The following ALDH3A2 variants were observed in gnomAD, a reference collection of about 807,000 sequenced individuals.
ALDH3A2 encodes the protein aldehyde dehydrogenase 3 family member A2.
ALDH3A2 carries 36 observed loss-of-function variants against 51.3 expected under a neutral mutation model. The observed-to-expected ratio is 0.70, with a 90% CI of 0.54 to 0.93. ALDH3A2 has a LOEUF of 0.93. Ranked by LOEUF, ALDH3A2 falls within the 40% of genes least tolerant of loss-of-function variation. The probability of loss-of-function intolerance (pLI) is 0.00; values close to 1 mark genes in which losing one functional copy is unlikely to be tolerated. For missense variants in ALDH3A2, 552 were observed against 603.1 expected (o/e 0.92, Z 0.89); for synonymous variants, 199 against 219.8 (o/e 0.91, Z 0.84).
chr17:19,669,713 C>T (rs1164569976), intron 8 of ALDH3A2, among the ~76,000 whole-genome samples: 1 of 152,110 alleles, frequency 6.6e-6, no homozygotes, highest in East Asian at 1.9e-4. Flanking sequence ...CGGCTCATTG[C>T]AGCCTCAACC....
At chr17:19,651,404 C>T in intron 1 of ALDH3A2, 143 bp from the exon 2 acceptor site, 1 of 723,852 alleles carries the variant, frequency 1.4e-6, no homozygotes, top group Admixed American at 2.0e-5. Context: ...GTGAAGGGTG[C>T]AAAAGGAGTC....
intron 5 of ALDH3A2, among the ~76,000 whole-genome samples, chr17:19,658,230 A>C (rs78025218): frequency 0.01 from 1,524 of 152,324 alleles, 15 homozygotes; most frequent in Non-Finnish European, 0.016. Context: ...GAAGGTTATC[A>C]GTTTTTGTGT....
At chr17:19,673,126 T>C (rs747625076) in intron 9 of ALDH3A2, 2 of 1,614,102 alleles carry the variant, frequency 1.2e-6, no homozygotes, top group African/African-American at 1.3e-5. Context: ...ACCAGTTGCA[T>C]TTGAAATCAT....
intron 8 of ALDH3A2, among the ~76,000 whole-genome samples, chr17:19,670,963 C>T (rs2152332959): frequency 6.6e-6 from 1 of 152,326 alleles, no homozygotes; most frequent in South Asian, 2.1e-4. Context: ...TTCCTTCCTG[C>T]AGCCTGGCCT....
chr17:19,667,159 C>T (rs1464073905), intron 8 of ALDH3A2, among the ~76,000 whole-genome samples: 1 of 152,128 alleles, frequency 6.6e-6, no homozygotes, highest in East Asian at 1.9e-4. Flanking sequence ...ATATTCTATT[C>T]AAAAAGGTAT....
Position 19,666,778 on chromosome 17 carries a change from A to AAAATAAAT in ALDH3A2, c.1207+1763_1207+1770dup, listed in dbSNP as rs150864433. 2.5e-3 allele frequency among the ~76,000 whole-genome samples: 357 copies of AAAATAAAT among 143,902 alleles called. 1 individual carries two copies. The highest frequency in any genetic ancestry group is 7.4e-3 in the African/African-American group (291 of 39,214). 94.4% of individuals were successfully genotyped at this position (143,902 alleles called of 152,430 possible). A position where few individuals can be genotyped will look rare whatever the true frequency, so the allele number is the denominator to read the frequency against. ...GCAAACAGAGCGAGACTCCGATCTC[A>AAAATAAAT]AAATAAATAAATAAATAAATAAATA... On this transcript the variant is annotated intron_variant, in intron 8 of 9. Coordinates refer to ENST00000176643, the MANE Select transcript of ALDH3A2 (RefSeq NM_000382.3).
At chr17:19,663,595 A>G (rs2084997628) in intron 7 of ALDH3A2, 96 bp downstream of exon 7, 4 of 1,413,778 alleles carry the variant, frequency 2.8e-6, no homozygotes, top group Middle Eastern at 2.0e-4. Context: ...ATGTGAAACA[A>G]TGATGGTTTC....
intron 9 of ALDH3A2, chr17:19,672,254 TAA>T: frequency 2.2e-6 from 1 of 459,284 alleles, no homozygotes. Context: ...ATCTCTGGTC[TAA>T]GAGATTAAAA....
At chr17:19,666,310 C>T (rs2085037164) in intron 8 of ALDH3A2, among the ~76,000 whole-genome samples, 1 of 152,108 alleles carries the variant, frequency 6.6e-6, no homozygotes, top group Non-Finnish European at 1.5e-5. Flanking sequence ...CTCTGTTCCT[C>T]AGCTCACCAC....
In ALDH3A2 at chr17:19,651,604, A is replaced by G. The variant is rs1567596936; in HGVS notation, c.211A>G (p.Met71Val). ...VITVLGEIDF[M>V]LENLPEWVTA... ...TACTGTCCTTGGGGAAATTGATTTT[A>G]TGCTTGAGAATCTTCCTGAATGGGT... The change falls in exon 2 of 10, where the codon ATG (methionine) becomes GTG (valine). Residue 71 changes from methionine (M) to valine (V), a missense_variant. Met to Val is a conservative substitution (Grantham distance 21, BLOSUM62 1). Transcript: ENST00000176643. 6.2e-7 allele frequency: 1 copy of G among 1,614,240 alleles called. No homozygotes were observed. The highest frequency in any genetic ancestry group is 8.5e-7 in the Non-Finnish European group (1 of 1,180,040).
chr17:19,660,304 A>C (rs2084949958), intron 5 of ALDH3A2, among the ~76,000 whole-genome samples: 1 of 152,056 alleles, frequency 6.6e-6, no homozygotes, highest in African/African-American at 2.4e-5. Context: ...CAGCATTGAA[A>C]ACTACTGTTG....
chr17:19,652,698 T>C, intron 3 of ALDH3A2, 66 bp downstream of exon 3: 1 of 1,337,062 alleles, frequency 7.5e-7, no homozygotes, highest in Non-Finnish European at 1.1e-6. Context: ...TTTATTTTCT[T>C]GCTATTGCAT....
intron 3 of ALDH3A2, among the ~76,000 whole-genome samples, chr17:19,653,692 C>T (rs991632610): frequency 6.6e-6 from 1 of 152,144 alleles, no homozygotes; most frequent in Non-Finnish European, 1.5e-5. Flanking sequence ...AACGGCAGTG[C>T]GGACCCAGAG....
At chr17:19,658,525 G>A (rs2084926629) in intron 5 of ALDH3A2, among the ~76,000 whole-genome samples, 1 of 151,996 alleles carries the variant, frequency 6.6e-6, no homozygotes, top group South Asian at 2.1e-4. Context: ...AGAAGTTCAA[G>A]ACCAGCCTGG....
intron 1 of ALDH3A2, among the ~76,000 whole-genome samples, chr17:19,650,091 T>C (rs1408547345): frequency 6.6e-6 from 1 of 152,000 alleles, no homozygotes; most frequent in Non-Finnish European, 1.5e-5. Flanking sequence ...TTTGTATTTT[T>C]AGTAGAGATG....
In ALDH3A2 at chr17:19,675,922, ACTTCCTG is replaced by A; in HGVS notation, c.*352_*358del. The A allele has an allele frequency of 5.8e-6, 2 of 345,586 alleles. No individual in the cohort carries two copies. The highest frequency in any genetic ancestry group is 2.7e-5 in the South Asian group (1 of 36,542). The allele number at this position is 345,586 out of a possible 1,614,324, so 21.4% of individuals were successfully genotyped here. ...TTCACTCCAGTTAATGGCACTGCTC[ACTTCCTG>A]CCTCTGCTGCCACCATCACTGTGTG... On this transcript the variant is annotated 3_prime_UTR_variant, in exon 10 of 10. Transcript: ENST00000176643.
Position 19,675,911 on chromosome 17 carries a change from T to C in ALDH3A2, c.*339T>C. On this transcript the variant is annotated 3_prime_UTR_variant, in exon 10 of 10. Transcript: ENST00000176643. Reference sequence around the variant, plus strand: ...TCACTGAATCCTTCACTCCAGTTAATGGCACTGCTCACTTCCTGCCTCTGC... The same window carrying C: ...TCACTGAATCCTTCACTCCAGTTAACGGCACTGCTCACTTCCTGCCTCTGC... 2.7e-6 allele frequency: 1 copy of C among 370,030 alleles called. No homozygotes were observed. The highest frequency in any genetic ancestry group is 2.4e-5 in the South Asian group (1 of 40,954). 22.9% of individuals were successfully genotyped at this position (370,030 alleles called of 1,614,324 possible).
rs201394150 is a variant in ALDH3A2 at position 19,651,678 on chromosome 17, C to A, written c.285C>A (p.Ala95=). Residue 95 remains alanine, a synonymous_variant, in exon 2 of 10, where the codon GCC becomes GCA. Transcript: ENST00000176643. ...ACGTGCTCACCATGCTGGATGAGGC[C>A]TATATTCAGCCACAGCCTCTGGGAG... is the stretch of plus-strand genomic sequence containing the variant. The part of the protein sequence containing the change: ...KKNVLTMLDE[A]YIQPQPLGVV... 7.4e-6 allele frequency: 12 copies of A among 1,614,040 alleles called. No individual in the cohort carries two copies. Among genetic ancestry groups the A allele is most frequent in the Non-Finnish European group, 7.6e-6 (9 of 1,180,052 alleles).
chr17:19,651,507 T>C (rs755405819), intron 1 of ALDH3A2, 40 bp from the exon 2 acceptor site: 3 of 1,529,566 alleles, frequency 2.0e-6, no homozygotes, highest in Admixed American at 1.7e-5. Flanking sequence ...AAGTGTATCA[T>C]ACTTACTCTG....
Sources: gnomAD v4.1 joint callset for allele counts (sites outside exome capture counted in the v4.1 genomes callset) on GRCh38, gnomAD v4.1.1 for gene constraint, MANE v1.5 for transcripts, NCBI Gene and HGNC (gene_info 2026-07-23, HGNC 2026-07-21) for gene names.